The following NRG3 variants were observed in gnomAD, a reference collection of about 807,000 sequenced individuals.
NRG3 encodes the protein pro-neuregulin-3, membrane-bound isoform.
Under a neutral mutation model 66.9 loss-of-function variants are expected in NRG3, and 31 were observed. That is an observed-to-expected ratio of 0.46 (90% CI 0.35 to 0.63). The LOEUF (loss-of-function observed/expected upper bound fraction) is 0.63, where lower values mean the gene tolerates loss of function less well. NRG3 is among the 20% of genes least tolerant of loss of function. The pLI is 0.00. For synonymous variants in NRG3, 393 were observed against 359.4 expected, an observed-to-expected ratio of 1.09 and a Z score of -1.06; for missense variants, 910 against 878.9, an observed-to-expected ratio of 1.04 and a Z score of -0.45.
intron 2 of NRG3, among the ~76,000 whole-genome samples, chr10:82,661,880 G>A (rs1426731455): frequency 6.6e-6 from 1 of 152,192 alleles, no homozygotes; most frequent in Non-Finnish European, 1.5e-5. Context: ...AGACCCTTGG[G>A]TCATTAAAGC....
chr10:82,181,746 A>T (rs1435153489), intron 1 of NRG3, among the ~76,000 whole-genome samples: 10 of 151,728 alleles, frequency 6.6e-5, no homozygotes, highest in Non-Finnish European at 1.3e-4. Flanking sequence ...TACTGACTGG[A>T]ATGATCCATA....
At chr10:82,643,589 A>G (rs1004108723) in intron 2 of NRG3, among the ~76,000 whole-genome samples, 4 of 152,154 alleles carry the variant, frequency 2.6e-5, no homozygotes, top group African/African-American at 4.8e-5. Flanking sequence ...TCTAAAACCT[A>G]CAAACTGTGA....
intron 2 of NRG3, among the ~76,000 whole-genome samples, chr10:82,426,263 C>A (rs1227746832): frequency 1.3e-5 from 2 of 152,088 alleles, no homozygotes; most frequent in Non-Finnish European, 2.9e-5. Flanking sequence ...TGTGAGGGCT[C>A]CCGCTAAAGC....
intron 2 of NRG3, among the ~76,000 whole-genome samples, chr10:82,426,023 C>G (rs935189700): frequency 3.9e-5 from 6 of 152,160 alleles, no homozygotes; most frequent in Admixed American, 2.0e-4. Context: ...CCACCTTCCT[C>G]TAAGGTAAAA....
At chr10:82,801,933 A>G (rs896090151) in intron 3 of NRG3, among the ~76,000 whole-genome samples, 2 of 152,140 alleles carry the variant, frequency 1.3e-5, no homozygotes, top group Non-Finnish European at 1.5e-5. Flanking sequence ...TAAATTACCA[A>G]AGTCTCTTGT....
At chr10:82,717,844 GA>G (rs1009618835) in intron 2 of NRG3, among the ~76,000 whole-genome samples, 7 of 149,986 alleles carry the variant, frequency 4.7e-5, no homozygotes, top group African/African-American at 1.7e-4. Flanking sequence ...TGGTTCTATT[GA>G]AAAGTCTTTT....
chr10:82,798,002 T>G (rs1356496733), intron 3 of NRG3, among the ~76,000 whole-genome samples: 3 of 152,192 alleles, frequency 2.0e-5, no homozygotes, highest in African/African-American at 7.2e-5. Flanking sequence ...TTAAATACCC[T>G]TAAAATGGTT....
chr10:82,262,992 T>A (rs1414532314), intron 1 of NRG3, among the ~76,000 whole-genome samples: 1 of 152,200 alleles, frequency 6.6e-6, no homozygotes, highest in Non-Finnish European at 1.5e-5. Context: ...TGGAGTCTTA[T>A]CCCAGATCAT....
chr10:82,810,592 G>A (rs1473563888), intron 3 of NRG3, among the ~76,000 whole-genome samples: 3 of 151,738 alleles, frequency 2.0e-5, no homozygotes, highest in South Asian at 2.1e-4. Context: ...GTGAAACCCC[G>A]TCTCTACTAA....
intron 1 of NRG3, among the ~76,000 whole-genome samples, chr10:81,944,819 A>G (rs1848701025): frequency 6.6e-6 from 1 of 152,168 alleles, no homozygotes; most frequent in African/African-American, 2.4e-5. Context: ...CACCCATGGC[A>G]CATTTTCAAA....
At chr10:82,852,821 T>A (rs1047742263) in intron 3 of NRG3, among the ~76,000 whole-genome samples, 14 of 152,236 alleles carry the variant, frequency 9.2e-5, no homozygotes, top group Middle Eastern at 3.4e-3. Context: ...TGAAAATACA[T>A]ATAGAAAGTT....
rs190372598 is a variant in NRG3, at chr10:82,148,755, A to C, written c.824-209984A>C. Among the ~76,000 whole-genome samples, 329 of 146,712 alleles carry C rather than the reference A, an allele frequency of 2.2e-3. 2 individuals are homozygous for C. Among genetic ancestry groups the C allele is most frequent in the African/African-American group, 8.1e-3 (311 of 38,450 alleles). Reference sequence around the variant, plus strand: ...CCTAGGAAATGTCTTCTCTTCATCCAAAGAAACCCTTACAATCCCCAAAGA... The same window carrying C: ...CCTAGGAAATGTCTTCTCTTCATCCCAAGAAACCCTTACAATCCCCAAAGA... On this transcript the variant is annotated intron_variant, in intron 1 of 8. Transcript: ENST00000372141.
chr10:82,607,462 T>C (rs563843038), intron 2 of NRG3, among the ~76,000 whole-genome samples: 8 of 152,168 alleles, frequency 5.3e-5, no homozygotes, highest in Non-Finnish European at 1.0e-4. Flanking sequence ...TTACTTTTAC[T>C]CTATCTGTGT....
chr10:82,933,094 G>C (rs1268677835), intron 4 of NRG3, among the ~76,000 whole-genome samples: 1 of 152,132 alleles, frequency 6.6e-6, no homozygotes, highest in Non-Finnish European at 1.5e-5. Flanking sequence ...AATTTTCTCA[G>C]ATTTTGAGCT....
chr10:81,975,315 AT>A (rs2060078684), intron 1 of NRG3, among the ~76,000 whole-genome samples: 1 of 4,456 alleles, frequency 2.2e-4, no homozygotes, highest in East Asian at 3.7e-3. Context: ...ATTGTGTAAC[AT>A]CTATCTATCT....
chr10:82,570,311 G>A (rs985897971), intron 2 of NRG3, among the ~76,000 whole-genome samples: 2 of 151,648 alleles, frequency 1.3e-5, no homozygotes, highest in African/African-American at 4.8e-5. Context: ...CTCATCTCCT[G>A]TCAAACATAA....
chr10:82,394,029 T>C (rs936338245), intron 2 of NRG3, among the ~76,000 whole-genome samples: 1 of 152,232 alleles, frequency 6.6e-6, no homozygotes, highest in Admixed American at 6.5e-5. Context: ...TAATGCAGTG[T>C]ATAGGCTGTG....
At chr10:82,259,292 A>G (rs1300204781) in intron 1 of NRG3, among the ~76,000 whole-genome samples, 1 of 152,188 alleles carries the variant, frequency 6.6e-6, no homozygotes, top group Non-Finnish European at 1.5e-5. Context: ...GATGCACACT[A>G]CAATTTCCTG....
intron 1 of NRG3, among the ~76,000 whole-genome samples, chr10:81,978,969 T>C (rs2060227943): frequency 6.6e-6 from 1 of 152,028 alleles, no homozygotes. Flanking sequence ...GGTGGGCGGA[T>C]CACAAGGTCA....
Sources: gnomAD v4.1 joint callset for allele counts (sites outside exome capture counted in the v4.1 genomes callset) on GRCh38, gnomAD v4.1.1 for gene constraint, MANE v1.5 for transcripts, NCBI Gene and HGNC (gene_info 2026-07-23, HGNC 2026-07-21) for gene names.